Variants in MDFIC2 observed in about 807,000 individuals in gnomAD.
MDFIC2 encodes MyoD family inhibitor domain containing 2.
At chr3:70,302,108 C>T (rs1009560539) in intron 2 of MDFIC2, among the ~76,000 whole-genome samples, 12 of 152,088 alleles carry the variant, frequency 7.9e-5, no homozygotes, top group South Asian at 4.1e-4. Context: ...TGAAGTTATA[C>T]GCTGGCAAAA....
chr3:70,240,515 T>G (rs1575604524), intron 2 of MDFIC2, among the ~76,000 whole-genome samples: 1 of 152,280 alleles, frequency 6.6e-6, no homozygotes, highest in East Asian at 1.9e-4. Context: ...CTAGCCCTTC[T>G]TACTGTGAAA....
chr3:70,310,358 A>G (rs1028509685), intron 2 of MDFIC2, among the ~76,000 whole-genome samples: 2 of 151,600 alleles, frequency 1.3e-5, no homozygotes, highest in Non-Finnish European at 2.9e-5. Flanking sequence ...ATTATTTTTA[A>G]TTTTATGTAT....
chr3:70,290,887 C>T (rs1040470487), intron 2 of MDFIC2, among the ~76,000 whole-genome samples: 8 of 152,282 alleles, frequency 5.3e-5, no homozygotes, highest in Admixed American at 1.3e-4. Context: ...TTGCGCTTCC[C>T]GAGTGAGGCA....
chr3:70,303,338 C>T (rs2030526), intron 2 of MDFIC2, among the ~76,000 whole-genome samples: 60,086 of 151,850 alleles, frequency 0.4, 12,318 homozygotes, highest in South Asian at 0.56. Context: ...ACCCAGGAGT[C>T]AGACTCATGG....
At chr3:70,268,646 A>G (rs535392894) in intron 2 of MDFIC2, among the ~76,000 whole-genome samples, 23 of 152,278 alleles carry the variant, frequency 1.5e-4, no homozygotes, top group African/African-American at 5.5e-4. Flanking sequence ...TTTCTTTGTC[A>G]AACCATTAAA....
intron 3 of MDFIC2, among the ~76,000 whole-genome samples, chr3:70,198,570 A>T (rs377187740): frequency 6.6e-6 from 1 of 152,188 alleles, no homozygotes; most frequent in East Asian, 1.9e-4. Flanking sequence ...AGTAAACAGA[A>T]ATCTTTCTTC....
chr3:70,282,965 G>T (rs1702104018), intron 2 of MDFIC2, among the ~76,000 whole-genome samples: 1 of 152,136 alleles, frequency 6.6e-6, no homozygotes, highest in African/African-American at 2.4e-5. Flanking sequence ...TGTCCAGGCA[G>T]GCCTGTCACT....
At position 70,291,176 on chromosome 3, in the gene MDFIC2, C is replaced by T. The variant is rs1043982244; in HGVS notation, c.88+20710G>A. The T allele has an allele frequency of 2.0e-5, 3 of 152,134 alleles. No individual in the cohort carries two copies. The East Asian group carries it at 5.8e-4, about 29-fold the overall frequency. The allele number at this position is 152,134 out of a possible 1,614,324, so 9.4% of individuals were successfully genotyped here. On this transcript the variant is annotated intron_variant, in intron 2 of 3. Transcript: ENST00000567252. ...TTCACATATTTGCATGTTTAACATCCAGGGCCCTGGAGCCAGACTGTCTGG... is the reference window on the plus strand; with the variant it reads ...TTCACATATTTGCATGTTTAACATCTAGGGCCCTGGAGCCAGACTGTCTGG...
chr3:70,258,045 A>G (rs926231622), intron 2 of MDFIC2, among the ~76,000 whole-genome samples: 4 of 152,212 alleles, frequency 2.6e-5, no homozygotes, highest in Non-Finnish European at 5.9e-5. Flanking sequence ...GAGTCTTTTC[A>G]TTAGATGGTG....
intron 2 of MDFIC2, among the ~76,000 whole-genome samples, chr3:70,286,800 T>C (rs1702169293): frequency 6.6e-6 from 1 of 152,172 alleles, no homozygotes; most frequent in African/African-American, 2.4e-5. Context: ...GATTCCTAGG[T>C]ATTTTATTCT....
At chr3:70,303,300 C>T (rs867882105) in intron 2 of MDFIC2, among the ~76,000 whole-genome samples, 1 of 152,130 alleles carries the variant, frequency 6.6e-6, no homozygotes, top group Admixed American at 6.5e-5. Flanking sequence ...CATTATGGTG[C>T]TGGCAGTCAA....
At chr3:70,299,460 A>C (rs4437104) in intron 2 of MDFIC2, among the ~76,000 whole-genome samples, 31,553 of 152,022 alleles carry the variant, frequency 0.21, 3,469 homozygotes, top group South Asian at 0.28. Context: ...AAGCCACACA[A>C]AAGCACATAC....
At chr3:70,253,083 GA>G (rs377641882) in intron 2 of MDFIC2, among the ~76,000 whole-genome samples, 7 of 148,204 alleles carry the variant, frequency 4.7e-5, no homozygotes, top group East Asian at 3.9e-4. Context: ...TTTGCTCAAA[GA>G]AAAAAAAAAT....
At chr3:70,246,565 A>G (rs942832595) in intron 2 of MDFIC2, among the ~76,000 whole-genome samples, 1 of 152,102 alleles carries the variant, frequency 6.6e-6, no homozygotes, top group Non-Finnish European at 1.5e-5. Flanking sequence ...TAAATAATGA[A>G]TCAGTTGTTA....
intron 2 of MDFIC2, among the ~76,000 whole-genome samples, chr3:70,244,553 G>T (rs1157707888): frequency 6.6e-6 from 1 of 152,154 alleles, no homozygotes; most frequent in Non-Finnish European, 1.5e-5. Context: ...CAATATATGG[G>T]ATGTAAAAAG....
chr3:70,250,120 G>A (rs750813769), intron 2 of MDFIC2, among the ~76,000 whole-genome samples: 1 of 152,134 alleles, frequency 6.6e-6, no homozygotes, highest in Non-Finnish European at 1.5e-5. Context: ...TAAGCCAGGG[G>A]ATTTTTTAGC....
chr3:70,230,793 G>A (rs1003283470), intron 2 of MDFIC2, among the ~76,000 whole-genome samples: 1 of 152,162 alleles, frequency 6.6e-6, no homozygotes, highest in African/African-American at 2.4e-5. Flanking sequence ...GTGAGACCAA[G>A]GTCCAAATAC....
intron 2 of MDFIC2, among the ~76,000 whole-genome samples, chr3:70,293,290 T>TA (rs1362294824): frequency 6.6e-6 from 1 of 152,084 alleles, no homozygotes; most frequent in Admixed American, 6.6e-5. Context: ...AACAATTACA[T>TA]ACAATTATCA....
At chr3:70,253,997 A>G (rs1404691185) in intron 2 of MDFIC2, among the ~76,000 whole-genome samples, 1 of 152,228 alleles carries the variant, frequency 6.6e-6, no homozygotes, top group Non-Finnish European at 1.5e-5. Flanking sequence ...ATTCAAAAAA[A>G]GGGTTAACAA....
Sources: allele counts gnomAD v4.1 joint callset (sites outside exome capture counted in the v4.1 genomes callset), GRCh38; gene constraint gnomAD v4.1.1; transcripts MANE v1.5; gene names NCBI Gene and HGNC (gene_info 2026-07-23, HGNC 2026-07-21).